The following LRRC15 variants were observed in gnomAD, a reference collection of about 807,000 sequenced individuals.
LRRC15 encodes the protein leucine-rich repeat-containing protein 15.
A neutral mutation model predicts 4.3 loss-of-function variants in LRRC15; 5 were observed. That is an observed-to-expected ratio of 1.16 (90% CI 0.61 to 2.44). The LOEUF is 2.44. Ranked by LOEUF, LRRC15 falls within the 30% of genes most tolerant of loss-of-function variation. LRRC15 has a pLI of 0.01. For missense variants in LRRC15, 769 were observed against 747.0 expected, an observed-to-expected ratio of 1.03 and a Z score of -0.34; for synonymous variants, 337 against 323.2, an observed-to-expected ratio of 1.04 and a Z score of -0.46.
chr3:194,360,271 G>A lies in LRRC15; in HGVS notation c.773C>T (p.Ser258Phe), dbSNP rs781632564. ...QRLYLSNNHI[S>F]QLPPSVFMQL... ...CATGAAGACGCTGGGTGGCAGCTGG[G>A]AGATGTGGTTGTTGGACAGGTAGAG... The change falls in exon 2 of 2, where the codon TCC (serine) becomes TTC (phenylalanine). Residue 258 changes from serine (S) to phenylalanine (F), a missense_variant. Ser to Phe is a radical substitution (Grantham distance 155). Transcript: ENST00000347624. 6 of 1,614,208 alleles carry A rather than the reference G, an allele frequency of 3.7e-6. No individual in the cohort carries two copies. In the Admixed American group the frequency reaches 1.0e-4, roughly 27 times the overall value.
chr3:194,368,227 C>A (rs983923821), intron 1 of LRRC15, among the ~76,000 whole-genome samples: 4 of 152,240 alleles, frequency 2.6e-5, no homozygotes, highest in Non-Finnish European at 4.4e-5. Flanking sequence ...CATGTGTGAT[C>A]ACAGTCTGCT....
chr3:194,362,592 A>G (rs971405001), intron 1 of LRRC15, among the ~76,000 whole-genome samples: 2 of 152,184 alleles, frequency 1.3e-5, no homozygotes, highest in African/African-American at 4.8e-5. Context: ...TGGGGATGCA[A>G]GAAGCAAGGA....
In LRRC15 at chr3:194,356,049, G is replaced by A. The variant is rs542176439; in HGVS notation, c.*3249C>T. 1 of 152,164 alleles carries A rather than the reference G, an allele frequency of 6.6e-6. No homozygotes were observed. The highest frequency in any genetic ancestry group is 2.4e-5 in the African/African-American group (1 of 41,424). 9.4% of individuals were successfully genotyped at this position (152,164 alleles called of 1,614,324 possible). A position where few individuals can be genotyped will look rare whatever the true frequency, so the allele number is the denominator to read the frequency against. The stretch of plus-strand genomic sequence containing the variant: ...CTTCCATTTCCTTTGGTTTAATGAC[G>A]AAAGCCCAAGACAAGCCATGAGCTC... On this transcript the variant is annotated 3_prime_UTR_variant, in exon 2 of 2. Transcript: ENST00000347624.
chr3:194,361,352 G>A (rs1379337509), intron 1 of LRRC15, among the ~76,000 whole-genome samples: 4 of 152,200 alleles, frequency 2.6e-5, no homozygotes, highest in African/African-American at 7.2e-5. Context: ...GATTCCATGA[G>A]TCAATCAGTT....
intron 1 of LRRC15, among the ~76,000 whole-genome samples, chr3:194,367,377 T>C (rs1462984485): frequency 6.6e-6 from 1 of 152,140 alleles, no homozygotes; most frequent in Admixed American, 6.5e-5. Flanking sequence ...GTGTGATCTC[T>C]GCTACTGCAA....
chr3:194,366,668 G>A (rs966754554), intron 1 of LRRC15, among the ~76,000 whole-genome samples: 2 of 152,100 alleles, frequency 1.3e-5, no homozygotes, highest in Admixed American at 6.5e-5. Context: ...GGCCCCTTCC[G>A]CATCCCCATC....
Position 194,359,296 on chromosome 3 carries a change from C to G in LRRC15, c.*2G>C, listed in dbSNP as rs376719504. ...TCCCCAGCCCTGCTCCAGCCTGCCT[C>G]TTTAACACTCATTGGGTGCCTTCAT... On this transcript the variant is annotated 3_prime_UTR_variant, in exon 2 of 2. Coordinates refer to ENST00000347624, the MANE Select transcript of LRRC15 (RefSeq NM_130830.5). 1.3e-6 allele frequency: 2 copies of G among 1,571,394 alleles called. No individual in the cohort carries two copies. The highest frequency in any genetic ancestry group is 1.2e-5 in the South Asian group (1 of 82,890).
chr3:194,359,158 G>T lies in LRRC15; in HGVS notation c.*140C>A. The T allele has an allele frequency of 1.3e-6, 1 of 752,852 alleles. No individual in the cohort carries two copies. Among genetic ancestry groups the T allele is most frequent in the African/African-American group, 1.7e-5 (1 of 57,198 alleles). The allele number at this position is 752,852 out of a possible 1,614,324, so 46.6% of individuals were successfully genotyped here. On this transcript the variant is annotated 3_prime_UTR_variant, in exon 2 of 2. Coordinates refer to ENST00000347624, the MANE Select transcript of LRRC15 (RefSeq NM_130830.5). ...TCTACGGGAGAATCAGGCAAGTCAGGAAGAGGTAGGCTCACCTTTCTCTGG... is the reference window on the plus strand; with the variant it reads ...TCTACGGGAGAATCAGGCAAGTCAGTAAGAGGTAGGCTCACCTTTCTCTGG...
In LRRC15 at chr3:194,359,570, C is replaced by T. The variant is rs756204713; in HGVS notation, c.1474G>A (p.Asp492Asn). 2 of 1,614,000 alleles carry T rather than the reference C, an allele frequency of 1.2e-6. No homozygotes were observed. Among genetic ancestry groups the T allele is most frequent in the Non-Finnish European group, 8.5e-7 (1 of 1,179,950 alleles). ...GTGGTGTCAGGGTAACTGGGTGTGT[C>T]TGGGTACCATGGTGTTTCTGGGTAA... ...PSYPETPWYP[D>N]TPSYPDTTSV... Residue 492 changes from aspartate to asparagine, a missense_variant, in exon 2 of 2, where the codon GAC (aspartate) becomes AAC (asparagine). Asp to Asn is a conservative substitution (Grantham distance 23, BLOSUM62 1). Transcript: ENST00000347624.
At chr3:194,361,817 T>C (rs1437926021) in intron 1 of LRRC15, among the ~76,000 whole-genome samples, 1 of 152,166 alleles carries the variant, frequency 6.6e-6, no homozygotes, top group African/African-American at 2.4e-5. Flanking sequence ...TGCTAGCCCT[T>C]TCACCTGTGC....
chr3:194,365,710 G>A (rs910247686), intron 1 of LRRC15, among the ~76,000 whole-genome samples: 1 of 152,114 alleles, frequency 6.6e-6, no homozygotes. Flanking sequence ...TGGACCTCCA[G>A]CAGGGCCGCC....
Position 194,360,255 on chromosome 3 carries a change from G to A in LRRC15, c.789C>T (p.Ser263=), listed in dbSNP as rs750589990. 44 of 1,613,654 alleles carry A rather than the reference G, an allele frequency of 2.7e-5. No homozygotes were observed. The highest frequency in any genetic ancestry group is 3.3e-5 in the Non-Finnish European group (39 of 1,179,748). Reference sequence around the variant, plus strand: ...TGAGCTGGGGCAGCTGCATGAAGACGCTGGGTGGCAGCTGGGAGATGTGGT... The same window carrying A: ...TGAGCTGGGGCAGCTGCATGAAGACACTGGGTGGCAGCTGGGAGATGTGGT... The part of the protein sequence containing the change: ...SNNHISQLPP[S]VFMQLPQLNR... Residue 263 remains serine (S), a synonymous_variant, in exon 2 of 2, where the codon AGC becomes AGT. Coordinates refer to ENST00000347624, the MANE Select transcript of LRRC15 (RefSeq NM_130830.5).
In LRRC15 at chr3:194,360,630, C is replaced by A; in HGVS notation, c.414G>T (p.Leu138Phe). 5.0e-6 allele frequency: 8 copies of A among 1,614,172 alleles called. No individual in the cohort carries two copies. Among genetic ancestry groups the A allele is most frequent in the Non-Finnish European group, 6.8e-6 (8 of 1,180,034 alleles). ...GGGAGAAGTGGGCCGGCTGGATCTG[C>A]AACAGCTGGTTACTGGACAGAAGGA... is the stretch of plus-strand genomic sequence containing the variant. ...ESLLLSSNQL[L>F]QIQPAHFSQC... Residue 138 changes from leucine (L) to phenylalanine (F), a missense_variant, in exon 2 of 2, where the codon TTG becomes TTT. Transcript: ENST00000347624.
At position 194,355,676 on chromosome 3, in the gene LRRC15, G is replaced by A. The variant is rs1404693045; in HGVS notation, c.*3622C>T. 6.6e-6 allele frequency: 1 copy of A among 152,208 alleles called. No individual in the cohort carries two copies. Among genetic ancestry groups the A allele is most frequent in the Non-Finnish European group, 1.5e-5 (1 of 68,038 alleles). The allele number at this position is 152,208 out of a possible 1,614,324, so 9.4% of individuals were successfully genotyped here. Reference sequence around the variant, plus strand: ...TTGAGTGGTTTATAGCTAAAAGCTAGGATACATCTAACATCTGTCGACCAA... The same window carrying A: ...TTGAGTGGTTTATAGCTAAAAGCTAAGATACATCTAACATCTGTCGACCAA... On this transcript the variant is annotated 3_prime_UTR_variant, in exon 2 of 2. Transcript: ENST00000347624.
At chr3:194,368,672 C>T (rs1713850952) in intron 1 of LRRC15, among the ~76,000 whole-genome samples, 1 of 152,064 alleles carries the variant, frequency 6.6e-6, no homozygotes, top group African/African-American at 2.4e-5. Context: ...AGACAGGCAC[C>T]TGGCACCTGC....
intron 1 of LRRC15, among the ~76,000 whole-genome samples, chr3:194,364,240 C>G (rs1713714073): frequency 6.6e-6 from 1 of 152,086 alleles, no homozygotes; most frequent in Admixed American, 6.5e-5. Flanking sequence ...ATCTGTCCAC[C>G]AAGACAACGG....
chr3:194,362,943 T>G (rs886502552), intron 1 of LRRC15, among the ~76,000 whole-genome samples: 27 of 146,002 alleles, frequency 1.8e-4, no homozygotes, highest in Non-Finnish European at 1.4e-4. Context: ...GATTTTGTTT[T>G]TTTTTTTTTT....
At position 194,360,741 on chromosome 3, in the gene LRRC15, G is replaced by C; in HGVS notation, c.303C>G (p.Gly101=). Residue 101 remains glycine (G), a synonymous_variant, in exon 2 of 2, where the codon GGC becomes GGG. Coordinates refer to ENST00000347624, the MANE Select transcript of LRRC15 (RefSeq NM_130830.5). ...RITPGAFRNL[G]SLRYLSLANN... is the part of the protein sequence containing the mutation. ...TGGCGAGGCTGAGATAGCGCAGCGA[G>C]CCCAGGTTTCGGAAGGCCCCAGGCG... The C allele has an allele frequency of 6.2e-7, 1 of 1,614,222 alleles. No homozygotes were observed. The highest frequency in any genetic ancestry group is 8.5e-7 in the Non-Finnish European group (1 of 1,180,036).
intron 1 of LRRC15, among the ~76,000 whole-genome samples, chr3:194,361,247 A>C (rs1194544414): frequency 1.3e-5 from 2 of 152,238 alleles, no homozygotes; most frequent in Admixed American, 6.5e-5. Flanking sequence ...TTGCCCAGGC[A>C]ATTCTCCCTA....
Sources: gnomAD v4.1 joint callset for allele counts (sites outside exome capture counted in the v4.1 genomes callset) on GRCh38, gnomAD v4.1.1 for gene constraint, MANE v1.5 for transcripts, NCBI Gene and HGNC (gene_info 2026-07-23, HGNC 2026-07-21) for gene names.